FMO5: variants seen among roughly 807,000 people sequenced by gnomAD.
FMO5 encodes the protein flavin-containing monooxygenase 5.
FMO5 carries 51 observed loss-of-function variants against 43.6 expected under a neutral mutation model. The observed-to-expected ratio is 1.17, with a 90% CI of 0.93 to 1.48. The LOEUF (loss-of-function observed/expected upper bound fraction) is 1.48. Ranked by LOEUF, FMO5 falls within the 40% of genes most tolerant of loss-of-function variation. The probability of loss-of-function intolerance (pLI) is 0.00; values close to 1 mark genes in which losing one functional copy is unlikely to be tolerated. For missense variants in FMO5, 644 were observed against 643.0 expected (o/e 1.00, Z -0.02); for synonymous variants, 187 against 216.5 (o/e 0.86, Z 1.20).
intron 7 of FMO5, among the ~76,000 whole-genome samples, chr1:147,196,512 A>G (rs1431005570): frequency 2.6e-5 from 4 of 152,054 alleles, no homozygotes; most frequent in African/African-American, 9.7e-5. Flanking sequence ...AAAAAACCCT[A>G]TCTATTACCC....
chr1:147,214,148 G>A (rs1661539918), intron 3 of FMO5, among the ~76,000 whole-genome samples: 1 of 152,098 alleles, frequency 6.6e-6, no homozygotes, highest in African/African-American at 2.4e-5. Flanking sequence ...ATGTCTTCAT[G>A]GACTAATAGA....
intron 6 of FMO5, among the ~76,000 whole-genome samples, chr1:147,207,590 C>T (rs1208281098): frequency 5.3e-5 from 8 of 152,020 alleles, no homozygotes; most frequent in Admixed American, 3.3e-4. Context: ...ATTTCTGTTG[C>T]CCTCGGGAAA....
At position 147,187,098 on chromosome 1, in the gene FMO5, G is replaced by A; in HGVS notation, c.1404C>T (p.Cys468=). 3.1e-6 allele frequency: 5 copies of A among 1,614,136 alleles called. No homozygotes were observed. Among genetic ancestry groups the A allele is most frequent in the Non-Finnish European group, 4.2e-6 (5 of 1,180,026 alleles). ...KLALHLLLGP[C]TPIHYRVQGP... The stretch of plus-strand genomic sequence containing the variant: ...CCTGTACACGATAGTGGATTGGAGT[G>A]CAGGGTCCCAGTAATAAGTGTAATG... The change falls in exon 9 of 9, where the codon TGC becomes TGT. Residue 468 remains cysteine, a synonymous_variant. Coordinates refer to ENST00000254090, the MANE Select transcript of FMO5 (RefSeq NM_001461.4).
At chr1:147,218,287 G>A (rs183557406) in intron 2 of FMO5, among the ~76,000 whole-genome samples, 728 of 151,888 alleles carry the variant, frequency 4.8e-3, no homozygotes, top group Non-Finnish European at 7.2e-3. Context: ...CCAGGCTGGA[G>A]TGCAGTAGCA....
chr1:147,224,987 C>G lies in FMO5; in HGVS notation c.43G>C (p.Gly15Arg). 2 of 1,613,958 alleles carry G rather than the reference C, an allele frequency of 1.2e-6. No homozygotes were observed. Among genetic ancestry groups the G allele is most frequent in the Non-Finnish European group, 1.7e-6 (2 of 1,180,004 alleles). ...ACGCAGCACTTGATGGAAGAGAGCC[C>G]GCTCACTCCTCCCCCAATCACAGCA... The part of the protein sequence containing the change: ...RIAVIGGGVS[G>R]LSSIKCCVEE... Residue 15 changes from glycine to arginine, a missense_variant, in exon 2 of 9, where the codon GGG becomes CGG. Physicochemically the swap from Gly to Arg is moderately radical, Grantham distance 125 (BLOSUM62 -2). Coordinates refer to ENST00000254090, the MANE Select transcript of FMO5 (RefSeq NM_001461.4).
At position 147,201,163 on chromosome 1, in the gene FMO5, T is replaced by C. The variant is rs56134376; in HGVS notation, c.1172A>G (p.Gln391Arg). ...ISELQGRWAT[Q>R]VFKGLKTLPS... ...GCATGGTCACTTACCTTTAAATACCTGAGTGGCCCAGCGTCCTTGGAGCTC... is the reference window on the plus strand; with the variant it reads ...GCATGGTCACTTACCTTTAAATACCCGAGTGGCCCAGCGTCCTTGGAGCTC... Residue 391 changes from glutamine (Q) to arginine (R), a missense_variant, in exon 7 of 9, where the codon CAG becomes CGG. Coordinates refer to ENST00000254090, the MANE Select transcript of FMO5 (RefSeq NM_001461.4). 4.7e-3 allele frequency: 7,523 copies of C among 1,610,614 alleles called. 55 individuals carry two copies. Among genetic ancestry groups the C allele is most frequent in the Non-Finnish European group, 4.4e-3 (5,206 of 1,178,190 alleles).
intron 2 of FMO5, among the ~76,000 whole-genome samples, chr1:147,219,043 T>C (rs1454531317): frequency 6.6e-6 from 1 of 152,166 alleles, no homozygotes; most frequent in Non-Finnish European, 1.5e-5. Flanking sequence ...TAAATCTCTA[T>C]TATCAGGACC....
chr1:147,224,815 G>C (rs1163952424), intron 2 of FMO5, 80 bp downstream of exon 2: 50 of 1,439,168 alleles, frequency 3.5e-5, no homozygotes, highest in Non-Finnish European at 4.7e-5. Context: ...CCGGCCACCT[G>C]ACACTGTTAA....
At chr1:147,214,146 A>G (rs1300152183) in intron 3 of FMO5, among the ~76,000 whole-genome samples, 5 of 152,164 alleles carry the variant, frequency 3.3e-5, no homozygotes, top group African/African-American at 1.2e-4. Context: ...TAATGTCTTC[A>G]TGGACTAATA....
intron 6 of FMO5, among the ~76,000 whole-genome samples, chr1:147,206,557 T>A (rs1660081666): frequency 1.3e-5 from 2 of 152,284 alleles, no homozygotes; most frequent in Middle Eastern, 3.4e-3. Context: ...ATGTGGCACA[T>A]ATACACCATG....
In FMO5 at chr1:147,201,509, G is replaced by A; in HGVS notation, c.831-5C>T. The A allele has an allele frequency of 6.2e-7, 1 of 1,602,280 alleles. No individual in the cohort carries two copies. Among genetic ancestry groups the A allele is most frequent in the Non-Finnish European group, 8.5e-7 (1 of 1,171,170 alleles). On this transcript the variant is annotated splice_polypyrimidine_tract_variant and splice_region_variant and intron_variant, in intron 6 of 8. Coordinates refer to ENST00000254090, the MANE Select transcript of FMO5 (RefSeq NM_001461.4). ...GTTGGATGCTGACTCAGAGCTCTGT[G>A]AGTCGTGACAAAGATCAAGTGGAGA...
chr1:147,203,623 A>G, intron 6 of FMO5: 1 of 1,234,734 alleles, frequency 8.1e-7, no homozygotes, highest in South Asian at 1.2e-5. Flanking sequence ...ACTTCTTAAT[A>G]GCGTACTGTT....
At chr1:147,193,814 G>A (rs1657393035) in intron 7 of FMO5, among the ~76,000 whole-genome samples, 1 of 152,142 alleles carries the variant, frequency 6.6e-6, no homozygotes, top group Non-Finnish European at 1.5e-5. Flanking sequence ...TAGTTGAGTG[G>A]TTTTGAGTGA....
rs1450052424 is a variant in FMO5, at chr1:147,201,403, G to T, written c.932C>A (p.Ala311Asp). ...CCTGGAGCCATCCTCAAATATGGCA[G>T]CTGTCTCCGTGAATTCCTTCACATT... ...KGNVKEFTET[A>D]AIFEDGSRED... The change falls in exon 7 of 9, where the codon GCT becomes GAT. Residue 311 changes from alanine to aspartate, a missense_variant. Transcript: ENST00000254090. The T allele has an allele frequency of 5.6e-6, 9 of 1,614,012 alleles. No homozygotes were observed. The African/African-American group carries it at 1.2e-4, about 22-fold the overall frequency.
At chr1:147,186,207 A>G (rs1271452740), downstream of FMO5, 3 of 506,302 alleles carry the variant, frequency 5.9e-6, no homozygotes, top group African/African-American at 2.1e-5. Flanking sequence ...TTCTCAACCA[A>G]GTTGATCTCA....
At chr1:147,198,179 A>G (rs1658336327) in intron 7 of FMO5, among the ~76,000 whole-genome samples, 1 of 152,214 alleles carries the variant, frequency 6.6e-6, no homozygotes, top group South Asian at 2.1e-4. Flanking sequence ...AAGGTAGCCC[A>G]TAAGCTGAGA....
At chr1:147,223,123 C>G (rs1278823262) in intron 2 of FMO5, among the ~76,000 whole-genome samples, 1 of 152,082 alleles carries the variant, frequency 6.6e-6, no homozygotes, top group Non-Finnish European at 1.5e-5. Flanking sequence ...AATGATGTGC[C>G]CAAAGTCACA....
intron 7 of FMO5, among the ~76,000 whole-genome samples, chr1:147,192,230 C>A (rs1450656795): frequency 2.0e-5 from 3 of 151,976 alleles, no homozygotes; most frequent in Non-Finnish European, 4.4e-5. Flanking sequence ...CCTTCACATC[C>A]CTTGTAAGTT....
At position 147,198,625 on chromosome 1, in the gene FMO5, C is replaced by T. The variant is rs947114149; in HGVS notation, c.1183+2527G>A. 8.6e-5 allele frequency among the ~76,000 whole-genome samples: 13 copies of T among 151,392 alleles called. No homozygotes were observed. In the East Asian group the frequency reaches 2.2e-3, roughly 25 times the overall value. ...CAGCACTTTGGGAGGCTGAGGCAGG[C>T]GGATCACGAGGTCAAGAGATGGAGA... On this transcript the variant is annotated intron_variant, in intron 7 of 8. Coordinates refer to ENST00000254090, the MANE Select transcript of FMO5 (RefSeq NM_001461.4).
Sources: gnomAD v4.1 joint callset for allele counts (sites outside exome capture counted in the v4.1 genomes callset) on GRCh38, gnomAD v4.1.1 for gene constraint, MANE v1.5 for transcripts, NCBI Gene and HGNC (gene_info 2026-07-23, HGNC 2026-07-21) for gene names.